The following CDH13 variants were observed in gnomAD, a reference collection of about 807,000 sequenced individuals.
The protein encoded by CDH13 is cadherin 13.
A neutral mutation model predicts 63.8 loss-of-function variants in CDH13; 24 were observed. That is an observed-to-expected ratio of 0.38 (90% CI 0.27 to 0.53). The LOEUF (loss-of-function observed/expected upper bound fraction) is 0.53. Among genes scored for constraint, CDH13 ranks in the 20% least tolerant of loss-of-function variants. The pLI, the probability that CDH13 is intolerant of heterozygous loss-of-function variation, is 0.85. For synonymous variants in CDH13, 503 were observed against 355.3 expected, an observed-to-expected ratio of 1.42 and a Z score of -4.67; for missense variants, 1,049 against 903.1, an observed-to-expected ratio of 1.16 and a Z score of -2.07.
At chr16:83,776,857 G>C (rs12448501) in intron 11 of CDH13, among the ~76,000 whole-genome samples, 1 of 152,040 alleles carries the variant, frequency 6.6e-6, no homozygotes, top group Non-Finnish European at 1.5e-5. Context: ...CTGGCATTCT[G>C]AACTTTCACC....
intron 5 of CDH13, among the ~76,000 whole-genome samples, chr16:83,323,038 G>A (rs1035452695): frequency 6.6e-6 from 1 of 151,924 alleles, no homozygotes; most frequent in Non-Finnish European, 1.5e-5. Context: ...GGGGCCACAG[G>A]TTACTCTTGC....
intron 2 of CDH13, among the ~76,000 whole-genome samples, chr16:82,912,778 C>G (rs182651422): frequency 1.3e-5 from 2 of 152,204 alleles, no homozygotes; most frequent in East Asian, 3.9e-4. Flanking sequence ...CCCGTCTCTA[C>G]TAAAAATACA....
At chr16:83,428,906 GC>G (rs2151480367) in intron 6 of CDH13, among the ~76,000 whole-genome samples, 1 of 152,298 alleles carries the variant, frequency 6.6e-6, no homozygotes, top group South Asian at 2.1e-4. Flanking sequence ...GTTGCACTGG[GC>G]CAATCCATTA....
At chr16:83,718,558 G>T (rs542850194) in intron 10 of CDH13, among the ~76,000 whole-genome samples, 1 of 152,234 alleles carries the variant, frequency 6.6e-6, no homozygotes, top group South Asian at 2.1e-4. Context: ...CATAACTGAG[G>T]TGTCACCCAT....
At chr16:83,534,143 C>T (rs1297410082) in intron 7 of CDH13, among the ~76,000 whole-genome samples, 1 of 152,134 alleles carries the variant, frequency 6.6e-6, no homozygotes, top group East Asian at 1.9e-4. Context: ...ATCCCCCATG[C>T]CCTTTGTAAT....
intron 4 of CDH13, among the ~76,000 whole-genome samples, chr16:83,132,098 C>T (rs2036080174): frequency 6.6e-6 from 1 of 152,138 alleles, no homozygotes; most frequent in Admixed American, 6.5e-5. Context: ...GTCTGATAGT[C>T]TTGGAATTTA....
chr16:83,636,095 G>C (rs552456933), intron 8 of CDH13, among the ~76,000 whole-genome samples: 3 of 95,710 alleles, frequency 3.1e-5, no homozygotes, highest in African/African-American at 1.1e-4. Flanking sequence ...TTGTCCCCTT[G>C]ATTAAAAAAA....
chr16:83,354,404 C>G (rs7199630), intron 6 of CDH13, among the ~76,000 whole-genome samples: 19,528 of 152,138 alleles, frequency 0.13, 2,103 homozygotes, highest in African/African-American at 0.29. Context: ...ATTTATCGGG[C>G]AGTTTCTATG....
intron 1 of CDH13, among the ~76,000 whole-genome samples, chr16:82,846,089 C>T (rs961636825): frequency 6.6e-6 from 1 of 152,116 alleles, no homozygotes; most frequent in Admixed American, 6.5e-5. Context: ...GGAAAACAAC[C>T]CAGAGTTTAT....
chr16:83,595,766 T>G (rs1245669712), intron 7 of CDH13, among the ~76,000 whole-genome samples: 2 of 152,220 alleles, frequency 1.3e-5, no homozygotes, highest in Admixed American at 1.3e-4. Flanking sequence ...CTGTACAGTC[T>G]AGCCCTATGC....
intron 5 of CDH13, among the ~76,000 whole-genome samples, chr16:83,259,348 C>T (rs920533096): frequency 1.3e-5 from 2 of 152,194 alleles, no homozygotes; most frequent in Admixed American, 6.5e-5. Flanking sequence ...GGGCACACAG[C>T]GAGTCTTCCA....
chr16:83,244,357 G>T (rs1010200199), intron 5 of CDH13, among the ~76,000 whole-genome samples: 1 of 152,110 alleles, frequency 6.6e-6, no homozygotes, highest in Admixed American at 6.6e-5. Flanking sequence ...GCACATGGAA[G>T]ATACTCAAGG....
intron 3 of CDH13, among the ~76,000 whole-genome samples, chr16:83,080,643 A>T (rs1302306301): frequency 2.0e-5 from 3 of 152,094 alleles, no homozygotes; most frequent in Non-Finnish European, 4.4e-5. Context: ...ATTAGCTGAG[A>T]GTCTTGTGCC....
chr16:83,537,978 C>A (rs962432150), intron 7 of CDH13, among the ~76,000 whole-genome samples: 1 of 152,084 alleles, frequency 6.6e-6, no homozygotes, highest in Non-Finnish European at 1.5e-5. Flanking sequence ...AGTTACGGCC[C>A]AAATAATAAA....
intron 1 of CDH13, among the ~76,000 whole-genome samples, chr16:82,857,039 C>T (rs546205438): frequency 5.9e-5 from 9 of 152,260 alleles, no homozygotes; most frequent in African/African-American, 2.2e-4. Flanking sequence ...GTTTTAGAGA[C>T]ATATCTCGTA....
chr16:83,310,454 T>G (rs2089974820), intron 5 of CDH13, among the ~76,000 whole-genome samples: 1 of 152,234 alleles, frequency 6.6e-6, no homozygotes, highest in African/African-American at 2.4e-5. Context: ...TTTGTGTGGA[T>G]GTACACACAT....
At chr16:82,811,986 G>C (rs1177409554) in intron 1 of CDH13, among the ~76,000 whole-genome samples, 1 of 152,176 alleles carries the variant, frequency 6.6e-6, no homozygotes, top group African/African-American at 2.4e-5. Context: ...TTGGAATAGA[G>C]ACATGAGTAG....
chr16:82,748,754 C>T (rs1828579901), intron 1 of CDH13, among the ~76,000 whole-genome samples: 1 of 152,150 alleles, frequency 6.6e-6, no homozygotes, highest in African/African-American at 2.4e-5. Context: ...AGATGATCTC[C>T]TATAAAGAGC....
chr16:82,751,222 T>C (rs1207051361), intron 1 of CDH13, among the ~76,000 whole-genome samples: 1 of 152,192 alleles, frequency 6.6e-6, no homozygotes, highest in Non-Finnish European at 1.5e-5. Context: ...GCTTGCAACA[T>C]GTACAATTGC....
Sources: gnomAD v4.1 joint callset for allele counts (sites outside exome capture counted in the v4.1 genomes callset) on GRCh38, gnomAD v4.1.1 for gene constraint, MANE v1.5 for transcripts, NCBI Gene and HGNC (gene_info 2026-07-23, HGNC 2026-07-21) for gene names.